Variants in IQSEC1 observed in about 807,000 individuals in gnomAD.
IQSEC1 encodes IQ motif and SEC7 domain-containing protein 1.
In IQSEC1, 31 loss-of-function variants were observed where a neutral mutation model predicts 91.0. The observed-to-expected ratio is 0.34, with a 90% confidence interval of 0.26 to 0.46. The LOEUF is 0.46. Among genes scored for constraint, IQSEC1 ranks in the 20% least tolerant of loss-of-function variants. The pLI, the probability that IQSEC1 is intolerant of heterozygous loss-of-function variation, is 1.00. For missense variants in IQSEC1, 1,388 were observed against 1,575.6 expected (o/e 0.88, Z 2.02); for synonymous variants, 699 against 662.6 (o/e 1.05, Z -0.84).
At chr3:12,916,517 ACTGCAGTCCAAAAGG>A (rs1696107635) in intron 6 of IQSEC1, among the ~76,000 whole-genome samples, 1 of 152,196 alleles carries the variant, frequency 6.6e-6, no homozygotes, top group Non-Finnish European at 1.5e-5. Context: ...CATCCGCCAG[ACTGCAGTCCAAAAGG>A]CTGCAGTGCT....
chr3:13,027,419 A>T (rs892275), intron 1 of IQSEC1, among the ~76,000 whole-genome samples: 1,554 of 152,326 alleles, frequency 0.01, 24 homozygotes, highest in African/African-American at 0.036. Context: ...AAGTTGCCAG[A>T]CTTGGCCTGC....
rs185763275 is a variant in IQSEC1 at position 13,202,397 on chromosome 3, C to T, written c.273-38264G>A. On this transcript the variant is annotated intron_variant, in intron 1 of 15. Transcript: ENST00000648114. The stretch of plus-strand genomic sequence containing the variant: ...ACTCAAAACAGCTACAGTGTGGAAG[C>T]AACCCAAGTGACCATCGATGGAGGA... Among the ~76,000 whole-genome samples the T allele has an allele frequency of 6.1e-3, 928 of 152,330 alleles. 4 individuals carry two copies. Among genetic ancestry groups the T allele is most frequent in the African/African-American group, 0.021 (875 of 41,560 alleles).
chr3:13,097,199 C>T (rs551688028), intron 2 of IQSEC1, among the ~76,000 whole-genome samples: 1 of 152,338 alleles, frequency 6.6e-6, no homozygotes, highest in African/African-American at 2.4e-5. Flanking sequence ...CCTCTGCAAA[C>T]CTTCCAGAGG....
At chr3:13,042,651 C>T (rs1004341261) in intron 1 of IQSEC1, among the ~76,000 whole-genome samples, 1 of 152,236 alleles carries the variant, frequency 6.6e-6, no homozygotes, top group African/African-American at 2.4e-5. Flanking sequence ...CTGGGGGTCC[C>T]TGGGACACAC....
intron 1 of IQSEC1, among the ~76,000 whole-genome samples, chr3:13,232,721 TAATA>T (rs1694858630): frequency 1.3e-5 from 2 of 152,058 alleles, no homozygotes; most frequent in Admixed American, 6.5e-5. Flanking sequence ...TATTATTAGG[TAATA>T]AATAAAGAGT....
intron 1 of IQSEC1, among the ~76,000 whole-genome samples, chr3:13,176,380 C>T (rs544357601): frequency 3.3e-5 from 5 of 151,940 alleles, no homozygotes; most frequent in South Asian, 2.1e-4. Flanking sequence ...AGAGTCCTCC[C>T]CTCTTTGACT....
At chr3:12,925,217 C>T (rs761475175) in intron 3 of IQSEC1, among the ~76,000 whole-genome samples, 4 of 152,240 alleles carry the variant, frequency 2.6e-5, no homozygotes, top group Non-Finnish European at 5.9e-5. Flanking sequence ...GTGTGAAAGC[C>T]GCCATGCCAG....
At chr3:13,001,457 C>T (rs1702420760) in intron 1 of IQSEC1, among the ~76,000 whole-genome samples, 1 of 152,172 alleles carries the variant, frequency 6.6e-6, no homozygotes, top group African/African-American at 2.4e-5. Flanking sequence ...CCATCAGGCC[C>T]CACCTTTTAG....
intron 2 of IQSEC1, among the ~76,000 whole-genome samples, chr3:13,145,721 G>A (rs1430931553): frequency 6.6e-6 from 1 of 151,338 alleles, no homozygotes; most frequent in East Asian, 2.0e-4. Context: ...AAAGTAGCTG[G>A]GGGCCCAAAG....
At chr3:13,073,623 C>G (rs558292882), upstream of IQSEC1, among the ~76,000 whole-genome samples, 3 of 152,262 alleles carry the variant, frequency 2.0e-5, no homozygotes, top group South Asian at 2.1e-4. Flanking sequence ...CTTCCTGGCC[C>G]GCGCTGGAAA....
At chr3:13,122,365 T>C (rs1706440242) in intron 2 of IQSEC1, among the ~76,000 whole-genome samples, 1 of 152,246 alleles carries the variant, frequency 6.6e-6, no homozygotes, top group Non-Finnish European at 1.5e-5. Context: ...CTTGAGGACT[T>C]TGTCTTTGAC....
At chr3:13,258,933 G>A (rs1022687878) in intron 1 of IQSEC1, among the ~76,000 whole-genome samples, 3 of 152,060 alleles carry the variant, frequency 2.0e-5, no homozygotes, top group African/African-American at 7.2e-5. Flanking sequence ...GCCTCACAAC[G>A]GCCCCCAAGT....
intron 3 of IQSEC1, among the ~76,000 whole-genome samples, chr3:12,925,332 C>T (rs993263562): frequency 1.4e-4 from 21 of 152,322 alleles, no homozygotes; most frequent in African/African-American, 4.8e-4. Flanking sequence ...GCTGTTGAGG[C>T]GCCCTGTGCA....
intron 1 of IQSEC1, among the ~76,000 whole-genome samples, chr3:12,968,015 G>A (rs563082328): frequency 1.3e-5 from 2 of 152,356 alleles, no homozygotes; most frequent in African/African-American, 2.4e-5. Flanking sequence ...AGCGCGCGAA[G>A]CCTCTGTTCT....
At chr3:12,915,443 G>T in intron 7 of IQSEC1, 151 bp downstream of exon 7, 1 of 753,970 alleles carries the variant, frequency 1.3e-6, no homozygotes, top group Non-Finnish European at 2.1e-6. Context: ...TATGACAGGA[G>T]ACACTCGAAA....
At chr3:13,168,688 A>C in intron 1 of IQSEC1, among the ~76,000 whole-genome samples, 1 of 152,116 alleles carries the variant, frequency 6.6e-6, no homozygotes, top group Non-Finnish European at 1.5e-5. Flanking sequence ...AAGCTCCCCA[A>C]CACCAGCTCT....
At chr3:12,942,469 G>C (rs1698842548) in intron 1 of IQSEC1, among the ~76,000 whole-genome samples, 1 of 152,142 alleles carries the variant, frequency 6.6e-6, no homozygotes, top group Admixed American at 6.5e-5. Context: ...CGGGCGTGGT[G>C]GTGGTCGCCT....
chr3:13,227,829 G>A (rs1694783648), intron 1 of IQSEC1, among the ~76,000 whole-genome samples: 1 of 152,236 alleles, frequency 6.6e-6, no homozygotes, highest in Non-Finnish European at 1.5e-5. Flanking sequence ...CCACACGTGA[G>A]GAACAGAGAC....
In IQSEC1 at chr3:12,900,971, T is replaced by A. The variant is rs770922290; in HGVS notation, c.*12A>T. ...GGTGTTTCAGGGAGCCTGGGACCCC[T>A]ACCCAGGCTGTCTACACAATTGTGC... On this transcript the variant is annotated 3_prime_UTR_variant, in exon 14 of 14. Coordinates refer to ENST00000613206, the MANE Select transcript of IQSEC1 (RefSeq NM_001134382.3). The A allele has an allele frequency of 5.8e-6, 9 of 1,542,472 alleles. No individual in the cohort carries two copies. Among genetic ancestry groups the A allele is most frequent in the Non-Finnish European group, 7.0e-6 (8 of 1,146,582 alleles).
Sources: allele counts gnomAD v4.1 joint callset (sites outside exome capture counted in the v4.1 genomes callset), GRCh38; gene constraint gnomAD v4.1.1; transcripts MANE v1.5; gene names NCBI Gene and HGNC (gene_info 2026-07-23, HGNC 2026-07-21).